The following SPICE1 variants were observed in gnomAD, a reference collection of about 807,000 sequenced individuals.
The protein encoded by SPICE1 is spindle and centriole associated protein 1, also known as spindle and centriole-associated protein 1.
SPICE1 carries 75 observed loss-of-function variants against 102.7 expected under a neutral mutation model. The ratio of observed to expected loss-of-function variants is 0.73; its 90% CI spans 0.61 to 0.88. The LOEUF is 0.88. Ranked by LOEUF, SPICE1 falls within the 40% of genes least tolerant of loss-of-function variation. SPICE1 has a pLI of 0.00. For missense variants in SPICE1, 979 were observed against 1,020.1 expected, an observed-to-expected ratio of 0.96 and a Z score of 0.55; for synonymous variants, 308 against 350.3, an observed-to-expected ratio of 0.88 and a Z score of 1.35.
chr3:113,514,342 T>C (rs1937282192), intron 1 of SPICE1: 1 of 249,360 alleles, frequency 4.0e-6, no homozygotes, highest in Non-Finnish European at 8.0e-6. Flanking sequence ...ACAAGAACTC[T>C]TTCCAAACAC....
chr3:113,453,101 T>C (rs1935695408), intron 14 of SPICE1, among the ~76,000 whole-genome samples: 1 of 152,346 alleles, frequency 6.6e-6, no homozygotes, highest in Non-Finnish European at 1.5e-5. Context: ...AATACTCTTT[T>C]ATGAGCCATT....
chr3:113,491,358 C>A (rs1245853345), intron 6 of SPICE1, among the ~76,000 whole-genome samples: 1 of 152,058 alleles, frequency 6.6e-6, no homozygotes, highest in African/African-American at 2.4e-5. Context: ...TGGTGGCTCA[C>A]GCCTGTAATC....
chr3:113,459,724 A>G (rs1426834406), intron 12 of SPICE1: 3 of 728,074 alleles, frequency 4.1e-6, no homozygotes, highest in Non-Finnish European at 5.0e-6. Context: ...TCTACTAAAA[A>G]CACAAAAATC....
At chr3:113,513,112 C>A (rs1259286644) in intron 1 of SPICE1, among the ~76,000 whole-genome samples, 2 of 152,124 alleles carry the variant, frequency 1.3e-5, no homozygotes, top group East Asian at 3.8e-4. Context: ...ATGATTCACA[C>A]CTTTCCTCAA....
At chr3:113,512,665 C>T (rs560529792) in intron 1 of SPICE1, among the ~76,000 whole-genome samples, 4 of 152,260 alleles carry the variant, frequency 2.6e-5, no homozygotes, top group African/African-American at 7.2e-5. Flanking sequence ...CCTTGGCCTC[C>T]CAAAGTGCTG....
At chr3:113,452,237 C>T (rs371935151) in intron 14 of SPICE1, among the ~76,000 whole-genome samples, 11 of 152,198 alleles carry the variant, frequency 7.2e-5, no homozygotes, top group African/African-American at 2.7e-4. Flanking sequence ...CTACTCAAAG[C>T]GTGGTCCTCA....
chr3:113,456,247 T>C (rs756060168), intron 13 of SPICE1, among the ~76,000 whole-genome samples: 1 of 152,036 alleles, frequency 6.6e-6, no homozygotes, highest in Non-Finnish European at 1.5e-5. Context: ...GTGCAGAAAA[T>C]TGCACAAAAT....
At chr3:113,450,089 A>G in intron 15 of SPICE1, 1 of 517,010 alleles carries the variant, frequency 1.9e-6, no homozygotes, top group Non-Finnish European at 3.5e-6. Context: ...TAGATGTACG[A>G]TAATTTAGGA....
In SPICE1 at chr3:113,471,918, G is replaced by C. The variant is rs576123654; in HGVS notation, c.612-2680C>G. On this transcript the variant is annotated intron_variant, in intron 7 of 17. Transcript: ENST00000295872. ...CTGAGGTACTGGGTTCATCTCACTA[G>C]GGAGTGCCAGACGGTGAGCGCAGGA... is the stretch of plus-strand genomic sequence containing the variant. 3.3e-5 allele frequency among the ~76,000 whole-genome samples: 5 copies of C among 152,354 alleles called. No homozygotes were observed. In the East Asian group the frequency reaches 9.7e-4, roughly 29 times the overall value.
intron 7 of SPICE1, among the ~76,000 whole-genome samples, chr3:113,475,771 G>A (rs148882787): frequency 0.026 from 3,922 of 152,270 alleles, 64 homozygotes; most frequent in East Asian, 0.053. Context: ...ATTAGGTATC[G>A]ATGGGATGTA....
At chr3:113,461,740 A>G (rs974103589) in intron 11 of SPICE1, among the ~76,000 whole-genome samples, 2 of 152,320 alleles carry the variant, frequency 1.3e-5, no homozygotes, top group South Asian at 2.1e-4. Context: ...ACAAACTTCT[A>G]TCTAAGCATA....
At chr3:113,456,201 G>C (rs1445735959) in intron 13 of SPICE1, among the ~76,000 whole-genome samples, 1 of 151,974 alleles carries the variant, frequency 6.6e-6, no homozygotes, top group Non-Finnish European at 1.5e-5. Context: ...TAACCCCTGG[G>C]CTTCTTCGTG....
At chr3:113,488,810 T>C in intron 7 of SPICE1, 135 bp downstream of exon 7, 1 of 590,072 alleles carries the variant, frequency 1.7e-6, no homozygotes, top group East Asian at 2.8e-5. Context: ...TGCAAATTAT[T>C]TGGAAATACC....
chr3:113,470,984 G>T (rs1359132329), intron 7 of SPICE1, among the ~76,000 whole-genome samples: 1 of 152,208 alleles, frequency 6.6e-6, no homozygotes, highest in African/African-American at 2.4e-5. Context: ...CACCAGGATG[G>T]ATTCTATCCA....
In SPICE1 at chr3:113,479,196, A is replaced by G. The variant is rs540166621; in HGVS notation, c.611+9749T>C. The stretch of plus-strand genomic sequence containing the variant: ...TGTGGCCATGTGTTCTCATTGTTCA[A>G]TTCCCATCTATGAGTGAGAACATGT... On this transcript the variant is annotated intron_variant, in intron 7 of 17. Coordinates refer to ENST00000295872, the MANE Select transcript of SPICE1 (RefSeq NM_144718.4). Among the ~76,000 whole-genome samples, 195 of 144,618 alleles carry G rather than the reference A, an allele frequency of 1.3e-3. 1 individual carries two copies. The highest frequency in any genetic ancestry group is 2.3e-3 in the Non-Finnish European group (157 of 66,876). 94.9% of individuals were successfully genotyped at this position (144,618 alleles called of 152,430 possible). A position where few individuals can be genotyped will look rare whatever the true frequency, so the allele number is the denominator to read the frequency against.
chr3:113,489,024 T>G lies in SPICE1; in HGVS notation c.532A>C (p.Asn178His). 1 of 1,613,462 alleles carries G rather than the reference T, an allele frequency of 6.2e-7. No homozygotes were observed. The highest frequency in any genetic ancestry group is 8.5e-7 in the Non-Finnish European group (1 of 1,179,540). ...TTCTCACTTTCTCCTGACTGGCTAT[T>G]AACAGTTCCTTCTTCTTCACCATCT... ...DVDGEEEGTV[N>H]SQSGESENEN... is the part of the protein sequence containing the mutation. The change falls in exon 7 of 18, where the codon AAT (asparagine) becomes CAT (histidine). Residue 178 changes from asparagine (N) to histidine (H), a missense_variant. Asn to His is a moderately conservative substitution (Grantham distance 68, BLOSUM62 1). Transcript: ENST00000295872.
At position 113,473,650 on chromosome 3, in the gene SPICE1, G is replaced by T. The variant is rs536008230; in HGVS notation, c.612-4412C>A. On this transcript the variant is annotated intron_variant, in intron 7 of 17. Coordinates refer to ENST00000295872, the MANE Select transcript of SPICE1 (RefSeq NM_144718.4). ...CAATATTCAACATTCTTAAAGAAAA[G>T]AATTTTCAACCCAGAATTTCATATC... Among the ~76,000 whole-genome samples, 14 of 152,014 alleles carry T rather than the reference G, an allele frequency of 9.2e-5. No individual in the cohort carries two copies. In the South Asian group the frequency reaches 2.9e-3, roughly 32 times the overall value.
rs1028351763 is a variant in SPICE1 at position 113,477,447 on chromosome 3, G to A, written c.612-8209C>T. 5.9e-3 allele frequency among the ~76,000 whole-genome samples: 894 copies of A among 151,134 alleles called. 16 individuals are homozygous for A. Among genetic ancestry groups the A allele is most frequent in the African/African-American group, 0.021 (849 of 41,022 alleles). On this transcript the variant is annotated intron_variant, in intron 7 of 17. Coordinates refer to ENST00000295872, the MANE Select transcript of SPICE1 (RefSeq NM_144718.4). ...CATCCCATTGCTGGGTATATACCCA[G>A]AGGACTATAAATCATGCTGCTATAA...
chr3:113,495,111 A>G (rs1381590632), intron 4 of SPICE1, among the ~76,000 whole-genome samples: 4 of 152,234 alleles, frequency 2.6e-5, no homozygotes, highest in African/African-American at 4.8e-5. Flanking sequence ...ACATTACAGT[A>G]GTGCCTCTGG....
Sources: gnomAD v4.1 joint callset for allele counts (sites outside exome capture counted in the v4.1 genomes callset) on GRCh38, gnomAD v4.1.1 for gene constraint, MANE v1.5 for transcripts, NCBI Gene and HGNC (gene_info 2026-07-23, HGNC 2026-07-21) for gene names.